The following CCDC149 variants were observed in gnomAD, a reference collection of about 807,000 sequenced individuals.
CCDC149 encodes coiled-coil domain-containing protein 149.
A neutral mutation model predicts 59.9 loss-of-function variants in CCDC149; 45 were observed. The ratio of observed to expected loss-of-function variants is 0.75; its 90% CI spans 0.59 to 0.96. CCDC149 has a LOEUF of 0.96. Among genes scored for constraint, CCDC149 ranks in the 40% least tolerant of loss-of-function variants. The pLI is 0.00. For synonymous variants in CCDC149, 245 were observed against 260.6 expected, an observed-to-expected ratio of 0.94 and a Z score of 0.58; for missense variants, 584 against 664.7, an observed-to-expected ratio of 0.88 and a Z score of 1.33.
chr4:24,905,026 T>C (rs1024465396), intron 1 of CCDC149, among the ~76,000 whole-genome samples: 1 of 152,006 alleles, frequency 6.6e-6, no homozygotes, highest in African/African-American at 2.4e-5. Context: ...CTCGGCCTCC[T>C]GAGTAGCTGG....
chr4:24,817,053 G>A (rs1010918746), intron 12 of CCDC149, among the ~76,000 whole-genome samples: 4 of 152,178 alleles, frequency 2.6e-5, no homozygotes, highest in Admixed American at 6.5e-5. Flanking sequence ...GTCAGAGGAC[G>A]GGGTAGGAAC....
intron 1 of CCDC149, among the ~76,000 whole-genome samples, chr4:24,931,506 GCTTT>G (rs754035884): frequency 4.5e-4 from 68 of 151,388 alleles, no homozygotes; most frequent in Non-Finnish European, 9.0e-4. Flanking sequence ...AGGCTGATGG[GCTTT>G]CTAACATCTT....
In CCDC149 at chr4:24,912,803, C is replaced by T. The variant is rs1721967816; in HGVS notation, c.63+14G>A. The T allele has an allele frequency of 9.1e-6, 12 of 1,319,920 alleles. No homozygotes were observed. Among genetic ancestry groups the T allele is most frequent in the East Asian group, 3.8e-5 (1 of 26,328 alleles). The allele number at this position is 1,319,920 out of a possible 1,614,324, so 81.8% of individuals were successfully genotyped here. On this transcript the variant is annotated intron_variant, in intron 1 of 12. Transcript: ENST00000635206. ...GGCCCGGCCCATCCCGCCTGGCCGGCGCCGCGGCCTCACCTCGCTCACCAG... is the reference window on the plus strand; with the variant it reads ...GGCCCGGCCCATCCCGCCTGGCCGGTGCCGCGGCCTCACCTCGCTCACCAG...
In CCDC149 at chr4:24,853,173, G is replaced by A; in HGVS notation, c.271C>T (p.Leu91Phe). The A allele has an allele frequency of 6.2e-7, 1 of 1,601,794 alleles. No homozygotes were observed. Among genetic ancestry groups the A allele is most frequent in the Non-Finnish European group, 8.6e-7 (1 of 1,169,070 alleles). ...TGAGAATCTCTCAATAGTTGTGCAA[G>A]ATTAGCCTAGAAATATCAACACATT... is the stretch of plus-strand genomic sequence containing the variant. The change falls in exon 4 of 13, where the codon CTT becomes TTT. Residue 91 changes from leucine to phenylalanine, a missense_variant. Transcript: ENST00000635206.
At chr4:24,935,403 A>G (rs771210987) in intron 1 of CCDC149, among the ~76,000 whole-genome samples, 1 of 152,134 alleles carries the variant, frequency 6.6e-6, no homozygotes, top group Non-Finnish European at 1.5e-5. Flanking sequence ...CAAAATAGAG[A>G]TTTTAGTTCG....
intron 12 of CCDC149, among the ~76,000 whole-genome samples, chr4:24,814,937 A>C (rs888547717): frequency 1.3e-5 from 2 of 152,236 alleles, no homozygotes; most frequent in African/African-American, 4.8e-5. Context: ...TGTATGTCCC[A>C]GGGATGAACT....
intron 1 of CCDC149, among the ~76,000 whole-genome samples, chr4:24,884,596 G>A (rs904734298): frequency 3.3e-5 from 5 of 152,178 alleles, no homozygotes; most frequent in African/African-American, 1.2e-4. Flanking sequence ...AAGAAAAGCA[G>A]TTTAGACTAA....
At chr4:24,881,418 T>G (rs1310587117) in intron 1 of CCDC149, among the ~76,000 whole-genome samples, 1 of 152,214 alleles carries the variant, frequency 6.6e-6, no homozygotes, top group Non-Finnish European at 1.5e-5. Flanking sequence ...TCTCCTTCCC[T>G]GCAGCAACAA....
intron 1 of CCDC149, among the ~76,000 whole-genome samples, chr4:24,925,592 T>G (rs1403777396): frequency 6.6e-6 from 1 of 152,196 alleles, no homozygotes; most frequent in African/African-American, 2.4e-5. Context: ...TTGAGTCAGG[T>G]CCTTCTCTAT....
At chr4:24,932,014 G>T (rs1272443972) in intron 1 of CCDC149, among the ~76,000 whole-genome samples, 2 of 151,542 alleles carry the variant, frequency 1.3e-5, no homozygotes, top group East Asian at 1.9e-4. Flanking sequence ...GCACAGAAAG[G>T]CTTACAGGTG....
At position 24,837,337 on chromosome 4, in the gene CCDC149, G is replaced by A. The variant is rs371812850; in HGVS notation, c.553C>T (p.Arg185Trp). 1.9e-5 allele frequency: 30 copies of A among 1,614,008 alleles called. No homozygotes were observed. Among genetic ancestry groups the A allele is most frequent in the African/African-American group, 4.0e-5 (3 of 74,896 alleles). ...TCCACTTTGTCCTGGTAGGAAGACC[G>A]TTCTTCTTTAACATCCTGAAGCTCG... Residue 185 changes from arginine to tryptophan, a missense_variant, in exon 6 of 13, where the codon CGG (arginine) becomes TGG (tryptophan). Physicochemically the swap from Arg to Trp is moderately radical, Grantham distance 101. Coordinates refer to ENST00000635206, the MANE Select transcript of CCDC149 (RefSeq NM_001330643.2). This position sits in a 1 kb window ranked among gnomAD's most constrained non-coding sequence, Gnocchi z 4.3.
chr4:24,909,682 G>C (rs1721758323), intron 1 of CCDC149, among the ~76,000 whole-genome samples: 1 of 152,100 alleles, frequency 6.6e-6, no homozygotes, highest in African/African-American at 2.4e-5. Context: ...TTGAATCATG[G>C]GGCTAGTTTC....
intron 4 of CCDC149, among the ~76,000 whole-genome samples, chr4:24,848,613 C>T (rs1717463891): frequency 6.6e-6 from 1 of 151,572 alleles, no homozygotes; most frequent in South Asian, 2.1e-4. Context: ...ATAATGACCC[C>T]AAACACAAGA....
Position 24,837,396 on chromosome 4 carries a change from T to C in CCDC149, c.494A>G (p.Glu165Gly). The change falls in exon 6 of 13, where the codon GAG becomes GGG. Residue 165 changes from glutamate (E) to glycine (G), a missense_variant. Glu to Gly is a moderately conservative substitution (Grantham distance 98). Coordinates refer to ENST00000635206, the MANE Select transcript of CCDC149 (RefSeq NM_001330643.2). The surrounding 1 kb of genome is among the most constrained non-coding windows in gnomAD (Gnocchi z 4.3). ...AGCCTGCAGGTCGTGCTCCAGAGAC[T>C]CAATCTAAAACCACAGGGAGAGCCC... 1.2e-6 allele frequency: 2 copies of C among 1,614,126 alleles called. No homozygotes were observed. Among genetic ancestry groups the C allele is most frequent in the South Asian group, 1.1e-5 (1 of 91,080 alleles).
intron 4 of CCDC149, among the ~76,000 whole-genome samples, chr4:24,840,607 T>C (rs1375775302): frequency 1.3e-5 from 2 of 152,086 alleles, no homozygotes; most frequent in Non-Finnish European, 2.9e-5. Flanking sequence ...GCGTCCCACA[T>C]TTGTCACATT....
At chr4:24,939,081 C>T (rs1006156963) in intron 1 of CCDC149, among the ~76,000 whole-genome samples, 63 of 152,298 alleles carry the variant, frequency 4.1e-4, no homozygotes, top group African/African-American at 1.3e-3. Flanking sequence ...GATCTGAGAA[C>T]GGGCAGACTG....
intron 1 of CCDC149, among the ~76,000 whole-genome samples, chr4:24,945,280 C>T (rs1336565669): frequency 6.6e-6 from 1 of 152,146 alleles, no homozygotes; most frequent in African/African-American, 2.4e-5. Context: ...GCAGATGTAA[C>T]TGGTGAAGAT....
At chr4:24,827,340 T>C (rs572723701) in intron 9 of CCDC149, 1 of 152,312 alleles carries the variant, frequency 6.6e-6, no homozygotes, top group Non-Finnish European at 1.5e-5. Context: ...TCTGCTCTGA[T>C]CCATACACCC....
At chr4:24,927,891 T>C (rs763914672) in intron 1 of CCDC149, among the ~76,000 whole-genome samples, 1 of 151,498 alleles carries the variant, frequency 6.6e-6, no homozygotes, top group African/African-American at 2.4e-5. Context: ...CCTATACCTG[T>C]GCACATCCAT....
Sources: allele counts gnomAD v4.1 joint callset (sites outside exome capture counted in the v4.1 genomes callset), GRCh38; gene constraint gnomAD v4.1.1; non-coding constraint Gnocchi (gnomAD v3.1); transcripts MANE v1.5; gene names NCBI Gene and HGNC (gene_info 2026-07-23, HGNC 2026-07-21).